Variants in INSIG1 observed in about 807,000 individuals in gnomAD.
INSIG1 encodes insulin-induced gene 1 protein.
A neutral mutation model predicts 26.5 loss-of-function variants in INSIG1; 14 were observed. The ratio of observed to expected loss-of-function variants is 0.53; its 90% CI spans 0.35 to 0.83. The LOEUF is 0.83. Among genes scored for constraint, INSIG1 ranks in the 40% least tolerant of loss-of-function variants. The probability of loss-of-function intolerance (pLI) is 0.01; values close to 1 mark genes in which losing one functional copy is unlikely to be tolerated. For missense variants in INSIG1, 272 were observed against 368.9 expected (o/e 0.74, Z 2.15); for synonymous variants, 147 against 153.3 (o/e 0.96, Z 0.30).
Position 155,309,978 on chromosome 7 carries a change from C to T in INSIG1, c.*1708C>T, listed in dbSNP as rs543497156. On this transcript the variant is annotated 3_prime_UTR_variant, in exon 6 of 6. Coordinates refer to ENST00000340368, the MANE Select transcript of INSIG1 (RefSeq NM_005542.6). ...TCACGCACACACAATAAGTCTTTCTCTCCGAAACCGGAAGTAAATCTATAT... is the reference window on the plus strand; with the variant it reads ...TCACGCACACACAATAAGTCTTTCTTTCCGAAACCGGAAGTAAATCTATAT... 1 of 152,750 alleles carries T rather than the reference C, an allele frequency of 6.5e-6. No homozygotes were observed. The highest frequency in any genetic ancestry group is 2.4e-5 in the African/African-American group (1 of 41,576). The allele number at this position is 152,750 out of a possible 1,614,324, so 9.5% of individuals were successfully genotyped here. A position where few individuals can be genotyped will look rare whatever the true frequency, so the allele number is the denominator to read the frequency against.
At position 155,297,927 on chromosome 7, in the gene INSIG1, C is replaced by T. The variant is rs1218079130; in HGVS notation, c.-60C>T. ...TCCTTTCCCCCGCCCCGCCTCCGTT[C>T]GGAGAGCCGGCGGGCGGGCGCCTCT... On this transcript the variant is annotated 5_prime_UTR_variant, in exon 1 of 6. Transcript: ENST00000340368. 4.0e-5 allele frequency: 7 copies of T among 177,162 alleles called. No homozygotes were observed. Among genetic ancestry groups the T allele is most frequent in the East Asian group, 1.4e-4 (1 of 7,194 alleles). 11.0% of individuals were successfully genotyped at this position (177,162 alleles called of 1,614,324 possible).
chr7:155,307,810 A>G (rs78136389), intron 5 of INSIG1, among the ~76,000 whole-genome samples: 141 of 152,370 alleles, frequency 9.3e-4, no homozygotes, highest in African/African-American at 3.2e-3. Context: ...TAAAGGTTCA[A>G]TCCCTTAAAT....
chr7:155,301,513 A>G (rs562871632), intron 2 of INSIG1, 53 bp from the exon 3 acceptor site: 1 of 1,554,216 alleles, frequency 6.4e-7, no homozygotes, highest in East Asian at 2.3e-5. Flanking sequence ...CCACGTTGAA[A>G]TTCTGGAACT....
At chr7:155,306,454 G>A (rs1393737869) in intron 5 of INSIG1, among the ~76,000 whole-genome samples, 1 of 152,238 alleles carries the variant, frequency 6.6e-6, no homozygotes, top group African/African-American at 2.4e-5. Context: ...GCCCCACTGG[G>A]CCACCTGGAG....
chr7:155,303,966 CT>C, intron 5 of INSIG1: 1 of 485,264 alleles, frequency 2.1e-6, no homozygotes. Context: ...GAAGAAAGGA[CT>C]TTGCTTGCCT....
At position 155,298,420 on chromosome 7, in the gene INSIG1, C is replaced by G; in HGVS notation, c.135C>G (p.Pro45=). The change falls in exon 2 of 6, where the codon CCC becomes CCG. Residue 45 remains proline, a synonymous_variant. Coordinates refer to ENST00000340368, the MANE Select transcript of INSIG1 (RefSeq NM_005542.6). Reference sequence around the variant, plus strand: ...TGATCAACGTTTCCGTGTCCGGGCCCTCCCTGCTGGCGGCCCACGGTGCCC... The same window carrying G: ...TGATCAACGTTTCCGTGTCCGGGCCGTCCCTGCTGGCGGCCCACGGTGCCC... ...GEMINVSVSG[P]SLLAAHGAPD... The G allele has an allele frequency of 6.4e-7, 1 of 1,558,038 alleles. No homozygotes were observed. Among genetic ancestry groups the G allele is most frequent in the Non-Finnish European group, 8.7e-7 (1 of 1,152,224 alleles).
chr7:155,301,844 T>A (rs1054500043), intron 3 of INSIG1, among the ~76,000 whole-genome samples, 154 bp downstream of exon 3: 1 of 151,192 alleles, frequency 6.6e-6, no homozygotes, highest in East Asian at 1.9e-4. Flanking sequence ...GAAAGAAGAA[T>A]GGGGCTATCG....
chr7:155,299,640 A>T (rs1157057627), intron 2 of INSIG1, among the ~76,000 whole-genome samples: 1 of 152,018 alleles, frequency 6.6e-6, no homozygotes, highest in Non-Finnish European at 1.5e-5. Flanking sequence ...TATGTCAGTG[A>T]CTCCAGTGCA....
chr7:155,306,589 G>A (rs1797940603), intron 5 of INSIG1, among the ~76,000 whole-genome samples: 1 of 152,228 alleles, frequency 6.6e-6, no homozygotes, highest in Non-Finnish European at 1.5e-5. Context: ...CATTTGTTGG[G>A]CTCTTACTGC....
At chr7:155,304,700 C>T (rs1727052895) in intron 5 of INSIG1, among the ~76,000 whole-genome samples, 1 of 152,116 alleles carries the variant, frequency 6.6e-6, no homozygotes, top group African/African-American at 2.4e-5. Flanking sequence ...CTGCTGTGCT[C>T]CTTTGCTTAC....
At chr7:155,301,451 A>C in intron 2 of INSIG1, 115 bp from the exon 3 acceptor site, 1 of 925,724 alleles carries the variant, frequency 1.1e-6, no homozygotes, top group Non-Finnish European at 1.5e-6. Context: ...TATAGCTGAT[A>C]ATTTTTTCTA....
chr7:155,299,557 T>C (rs1350729761), intron 2 of INSIG1, among the ~76,000 whole-genome samples: 2 of 152,196 alleles, frequency 1.3e-5, no homozygotes, highest in African/African-American at 4.8e-5. Flanking sequence ...GCTGTTGAAA[T>C]GTTAATCCAA....
In INSIG1 at chr7:155,308,380, G is replaced by A; in HGVS notation, c.*110G>A. ...TTAAGTAATCTATTTAGATCGGGCT[G>A]ACTGTACAAATGACTCCTGGAAAAA... On this transcript the variant is annotated 3_prime_UTR_variant, in exon 6 of 6. Transcript: ENST00000340368. 7.6e-7 allele frequency: 1 copy of A among 1,314,444 alleles called. No individual in the cohort carries two copies. The highest frequency in any genetic ancestry group is 1.2e-5 in the South Asian group (1 of 84,532). The allele number at this position is 1,314,444 out of a possible 1,614,324, so 81.4% of individuals were successfully genotyped here. A position where few individuals can be genotyped will look rare whatever the true frequency, so the allele number is the denominator to read the frequency against.
chr7:155,304,583 CATT>C (rs1563032563), intron 5 of INSIG1, among the ~76,000 whole-genome samples: 1 of 152,136 alleles, frequency 6.6e-6, no homozygotes. Flanking sequence ...AAGAAATAAG[CATT>C]ATTTTGGTGG....
In INSIG1 at chr7:155,308,596, G is replaced by A; in HGVS notation, c.*326G>A. On this transcript the variant is annotated 3_prime_UTR_variant, in exon 6 of 6. Coordinates refer to ENST00000340368, the MANE Select transcript of INSIG1 (RefSeq NM_005542.6). ...TTAAAACAAGTTGCCATATTTCAAA[G>A]CCTTGAACTAAGACTCAATTACCAA... 3.2e-6 allele frequency: 1 copy of A among 312,614 alleles called. No individual in the cohort carries two copies. The highest frequency in any genetic ancestry group is 6.1e-6 in the Non-Finnish European group (1 of 163,696). 19.4% of individuals were successfully genotyped at this position (312,614 alleles called of 1,614,324 possible). A position where few individuals can be genotyped will look rare whatever the true frequency, so the allele number is the denominator to read the frequency against.
In INSIG1 at chr7:155,302,398, G is replaced by C. The variant is rs200756620; in HGVS notation, c.685G>C (p.Val229Leu). ...AGCTACGCTGATCACGCAGTTTCTC[G>C]TGTATAATGGTGTCTATCAGTAAGT... Reference protein sequence around the residue: ...FLATLITQFLVYNGVYQYTSP... With the variant: ...FLATLITQFLLYNGVYQYTSP... The change falls in exon 4 of 6, where the codon GTG (valine) becomes CTG (leucine). Residue 229 changes from valine to leucine, a missense_variant. Val to Leu is a conservative substitution (Grantham distance 32, BLOSUM62 1). Around this residue, in one of 2 missense-constraint regions of INSIG1, gnomAD observed 111 missense variants for 189.8 expected, o/e 0.58. Transcript: ENST00000340368. The surrounding 1 kb of genome is among the most constrained non-coding windows in gnomAD (Gnocchi z 4.3). 3.1e-6 allele frequency: 5 copies of C among 1,598,184 alleles called. No individual in the cohort carries two copies. The highest frequency in any genetic ancestry group is 4.3e-6 in the Non-Finnish European group (5 of 1,174,774).
At chr7:155,299,419 A>G (rs1450941067) in intron 2 of INSIG1, among the ~76,000 whole-genome samples, 2 of 152,204 alleles carry the variant, frequency 1.3e-5, no homozygotes, top group African/African-American at 4.8e-5. Flanking sequence ...CTTGGCTATC[A>G]TTGAACCGCT....
chr7:155,301,037 G>A (rs1797770560), intron 2 of INSIG1, among the ~76,000 whole-genome samples: 1 of 152,212 alleles, frequency 6.6e-6, no homozygotes, highest in African/African-American at 2.4e-5. Flanking sequence ...GGCCACTCTA[G>A]GAGCATGTGA....
At chr7:155,301,512 A>G in intron 2 of INSIG1, 54 bp from the exon 3 acceptor site, 1 of 1,552,262 alleles carries the variant, frequency 6.4e-7, no homozygotes, top group Non-Finnish European at 8.8e-7. Context: ...ACCACGTTGA[A>G]ATTCTGGAAC....
Sources: allele counts gnomAD v4.1 joint callset (sites outside exome capture counted in the v4.1 genomes callset), GRCh38; gene constraint gnomAD v4.1.1; regional missense constraint gnomAD v4.1.1; non-coding constraint Gnocchi (gnomAD v3.1); transcripts MANE v1.5; gene names NCBI Gene and HGNC (gene_info 2026-07-23, HGNC 2026-07-21).